PARVG: variants seen among roughly 807,000 people sequenced by gnomAD.
PARVG encodes parvin gamma.
Under a neutral mutation model 44.4 loss-of-function variants are expected in PARVG, and 36 were observed. The observed-to-expected ratio is 0.81, with a 90% CI of 0.62 to 1.07. The LOEUF is 1.07. Among genes scored for constraint, PARVG ranks in the 50% least tolerant of loss-of-function variants. The pLI is 0.00. For synonymous variants in PARVG, 170 were observed against 174.1 expected, an observed-to-expected ratio of 0.98 and a Z score of 0.19; for missense variants, 407 against 407.4, an observed-to-expected ratio of 1.00 and a Z score of 0.01.
chr22:44,183,276 G>T (rs1047940190), intron 2 of PARVG, 42 bp from the exon 3 acceptor site: 19 of 1,546,876 alleles, frequency 1.2e-5, no homozygotes, highest in Non-Finnish European at 1.5e-5. Flanking sequence ...TGAGTTTGGG[G>T]CTTCTCAGAC....
exon 1 of PARVG, chr22:44,173,096 G>T: frequency 7.8e-7 from 1 of 1,289,718 alleles, no homozygotes; most frequent in Non-Finnish European, 1.0e-6. Flanking sequence ...TGGGGGAAGA[G>T]CTGGTTCACA....
chr22:44,192,333 G>A (rs2054559541), intron 8 of PARVG, among the ~76,000 whole-genome samples: 1 of 152,076 alleles, frequency 6.6e-6, no homozygotes, highest in South Asian at 2.1e-4. Flanking sequence ...CAGCCACCCT[G>A]CTTTGTTTTC....
intron 1 of PARVG, among the ~76,000 whole-genome samples, chr22:44,175,469 G>C (rs1389238659): frequency 6.6e-6 from 1 of 152,258 alleles, no homozygotes; most frequent in Non-Finnish European, 1.5e-5. Context: ...ACAGTGCCCT[G>C]GGGTTGGGCA....
At chr22:44,178,230 G>T (rs1049362732), upstream of PARVG, among the ~76,000 whole-genome samples, 1 of 152,196 alleles carries the variant, frequency 6.6e-6, no homozygotes, top group African/African-American at 2.4e-5. Flanking sequence ...CAGCTTTTCT[G>T]TGAGTTTGAA....
chr22:44,206,281 G>A, intron 13 of PARVG, 36 bp from the exon 14 acceptor site: 1 of 1,516,194 alleles, frequency 6.6e-7, no homozygotes, highest in Non-Finnish European at 9.2e-7. Context: ...TGCCACCCAG[G>A]CCTGACTGGC....
chr22:44,190,478 G>A (rs1387280842), intron 6 of PARVG, 73 bp from the exon 7 acceptor site: 2 of 1,130,420 alleles, frequency 1.8e-6, no homozygotes, highest in Non-Finnish European at 2.7e-6. Context: ...TGTTCTGACA[G>A]TGAGGAAGCC....
chr22:44,190,670 G>A lies in PARVG; in HGVS notation c.504+4G>A. The A allele has an allele frequency of 6.2e-7, 1 of 1,602,022 alleles. No individual in the cohort carries two copies. The highest frequency in any genetic ancestry group is 8.6e-7 in the Non-Finnish European group (1 of 1,168,842). ...GGTGGAGGTCATCACTATCGAGGTA[G>A]CAGCCTGGGCCCCAGGGATTTGTAA... On this transcript the variant is annotated splice_donor_region_variant and intron_variant, in intron 7 of 13. Transcript: ENST00000444313.
At position 44,182,368 on chromosome 22, in the gene PARVG, C is replaced by A. The variant is rs963075905; in HGVS notation, c.-13+451C>A. 6.6e-6 allele frequency among the ~76,000 whole-genome samples: 1 copy of A among 152,182 alleles called. No individual in the cohort carries two copies. The highest frequency in any genetic ancestry group is 1.5e-5 in the Non-Finnish European group (1 of 68,022). ...TCCTGACGCCCAGGCCAGGCTCTTT[C>A]GTTTTCTCTGGCCATGGCCCTCAGC... On this transcript the variant is annotated intron_variant, in intron 2 of 13. Coordinates refer to ENST00000444313, the MANE Select transcript of PARVG (RefSeq NM_022141.7). The surrounding 1 kb of genome is among the most constrained non-coding windows in gnomAD (Gnocchi z 4.6).
Position 44,192,332 on chromosome 22 carries a change from T to C in PARVG, c.560+228T>C, listed in dbSNP as rs551847549. Among the ~76,000 whole-genome samples the C allele has an allele frequency of 3.6e-3, 554 of 151,914 alleles. 1 individual carries two copies. The highest frequency in any genetic ancestry group is 6.0e-3 in the Non-Finnish European group (405 of 67,840). On this transcript the variant is annotated intron_variant, in intron 8 of 13. Transcript: ENST00000444313. ...CCTGCCTGGCCCCTCCCAGCCACCC[T>C]GCTTTGTTTTCTAGGGTGGGGGCCC...
chr22:44,193,221 CAA>C (rs5845641), intron 8 of PARVG, among the ~76,000 whole-genome samples: 1 of 146,552 alleles, frequency 6.8e-6, no homozygotes, highest in East Asian at 2.0e-4. Flanking sequence ...AAAACGTGAC[CAA>C]AAAAAAAAGA....
chr22:44,185,912 C>T (rs1272581904), intron 4 of PARVG, 40 bp downstream of exon 4: 1 of 1,577,242 alleles, frequency 6.3e-7, no homozygotes, highest in African/African-American at 1.4e-5. Context: ...CTGGGTGCCT[C>T]TTGGCAGACC....
intron 4 of PARVG, chr22:44,187,446 C>T (rs1282644341): frequency 5.1e-6 from 2 of 391,332 alleles, no homozygotes; most frequent in African/African-American, 4.0e-5. Context: ...TGCTCATTGT[C>T]CAATTCTTTC....
chr22:44,177,996 A>T (rs2054335062), upstream of PARVG, among the ~76,000 whole-genome samples: 2 of 152,228 alleles, frequency 1.3e-5, no homozygotes, highest in South Asian at 4.1e-4. Context: ...TTCCATCAGG[A>T]ATAACTAGAA....
Position 44,183,412 on chromosome 22 carries a change from T to G in PARVG, c.79+4T>G, listed in dbSNP as rs748397397. The stretch of plus-strand genomic sequence containing the variant: ...GCGGAGGAGGAGCTCTCAAAAGGTG[T>G]GTGCCCACGCAGGTCTGAGGGTGGA... On this transcript the variant is annotated splice_donor_region_variant and intron_variant, in intron 3 of 13. Coordinates refer to ENST00000444313, the MANE Select transcript of PARVG (RefSeq NM_022141.7). The G allele has an allele frequency of 1.1e-5, 17 of 1,595,948 alleles. No individual in the cohort carries two copies. The highest frequency in any genetic ancestry group is 1.8e-5 in the Admixed American group (1 of 56,302).
rs1367688823 is a variant in PARVG at position 44,196,395 on chromosome 22, G to A, written c.691G>A (p.Val231Met). The A allele has an allele frequency of 5.6e-6, 9 of 1,614,218 alleles. No individual in the cohort carries two copies. Among genetic ancestry groups the A allele is most frequent in the Non-Finnish European group, 7.6e-6 (9 of 1,180,044 alleles). ...GAAGCTGGACCGCCTGGGCCTGTCTGTGCAGAATCTGGACACCCAGGTAGG... is the reference window on the plus strand; with the variant it reads ...GAAGCTGGACCGCCTGGGCCTGTCTATGCAGAATCTGGACACCCAGGTAGG... ...NQKLDRLGLSVQNLDTQFADG... is the reference protein window; with the variant it reads ...NQKLDRLGLSMQNLDTQFADG... The change falls in exon 11 of 14, where the codon GTG (valine) becomes ATG (methionine). Residue 231 changes from valine to methionine, a missense_variant. Transcript: ENST00000444313.
At chr22:44,176,549 A>C (rs1030406077), upstream of PARVG, among the ~76,000 whole-genome samples, 1 of 152,286 alleles carries the variant, frequency 6.6e-6, no homozygotes, top group African/African-American at 2.4e-5. Context: ...GGATACTTCA[A>C]GCATCTGAAG....
intron 4 of PARVG, chr22:44,187,110 CAT>C (rs1344904641): frequency 6.2e-5 from 12 of 192,102 alleles, no homozygotes; most frequent in Non-Finnish European, 1.1e-4. Flanking sequence ...GCTACTGTAA[CAT>C]GTGACCACAG....
At chr22:44,185,605 T>G in intron 3 of PARVG, 1 of 485,976 alleles carries the variant, frequency 2.1e-6, no homozygotes, top group Non-Finnish European at 3.7e-6. Context: ...AACTTCCGAG[T>G]TTATGTCTCA....
chr22:44,177,383 G>A (rs1486717827), upstream of PARVG, among the ~76,000 whole-genome samples: 1 of 152,136 alleles, frequency 6.6e-6, no homozygotes, highest in African/African-American at 2.4e-5. Flanking sequence ...CAATGGCATT[G>A]TCTAATCTAC....
Sources: gnomAD v4.1 joint callset for allele counts (sites outside exome capture counted in the v4.1 genomes callset) on GRCh38, gnomAD v4.1.1 for gene constraint, Gnocchi (gnomAD v3.1) non-coding constraint, MANE v1.5 for transcripts, NCBI Gene and HGNC (gene_info 2026-07-23, HGNC 2026-07-21) for gene names.